Variants in FGF14 observed in about 807,000 individuals in gnomAD.
The protein encoded by FGF14 is fibroblast growth factor 14.
In FGF14, 5 loss-of-function variants were observed where a neutral mutation model predicts 25.5. That is an observed-to-expected ratio of 0.20 (90% CI 0.10 to 0.41). The LOEUF is 0.41. Among genes scored for constraint, FGF14 ranks in the 10% least tolerant of loss-of-function variants. FGF14 has a pLI of 1.00. For synonymous variants in FGF14, 138 were observed against 118.3 expected (o/e 1.17, Z -1.08); for missense variants, 222 against 320.1 (o/e 0.69, Z 2.34).
intron 1 of FGF14, among the ~76,000 whole-genome samples, chr13:102,396,172 G>C (rs1234129380): frequency 1.3e-5 from 2 of 152,150 alleles, no homozygotes; most frequent in Non-Finnish European, 2.9e-5. Flanking sequence ...AGGCAGATGT[G>C]TAAATAGGTG....
intron 3 of FGF14, among the ~76,000 whole-genome samples, chr13:101,808,979 T>G (rs2041350611): frequency 6.6e-6 from 1 of 152,130 alleles, no homozygotes; most frequent in South Asian, 2.1e-4. Context: ...TTTTACTCTC[T>G]TCCACTCTAA....
At chr13:101,821,189 CCA>C (rs1457672562) in intron 3 of FGF14, among the ~76,000 whole-genome samples, 12 of 152,162 alleles carry the variant, frequency 7.9e-5, no homozygotes, top group Non-Finnish European at 8.8e-5. Context: ...ACCTCGTGAT[CCA>C]CCCGCCTCGG....
At chr13:102,012,865 C>G (rs2040152509) in intron 1 of FGF14, among the ~76,000 whole-genome samples, 1 of 152,108 alleles carries the variant, frequency 6.6e-6, no homozygotes, top group Non-Finnish European at 1.5e-5. Context: ...TCTGAGCCCC[C>G]TTATTAATCT....
chr13:102,033,714 A>C lies in FGF14; in HGVS notation c.209-158418T>G, dbSNP rs1075954. Among the ~76,000 whole-genome samples the C allele has an allele frequency of 2.0e-5, 3 of 152,248 alleles. No homozygotes were observed. In the East Asian group the frequency reaches 5.8e-4, roughly 29 times the overall value. On this transcript the variant is annotated intron_variant, in intron 1 of 4. Coordinates refer to the FGF14 transcript ENST00000376131. ...CGAGTTATATTAGGATGCAATGTCT[A>C]TTCAGCAAGAAAGCTCACTGGCTCT...
intron 1 of FGF14, among the ~76,000 whole-genome samples, chr13:102,127,665 A>C (rs1223972168): frequency 6.6e-6 from 1 of 152,218 alleles, no homozygotes; most frequent in African/African-American, 2.4e-5. Context: ...TTTTGTTACA[A>C]GTGTTAAATT....
At chr13:101,877,311 C>T (rs185903415) in intron 1 of FGF14, among the ~76,000 whole-genome samples, 170 of 152,242 alleles carry the variant, frequency 1.1e-3, no homozygotes, top group African/African-American at 3.8e-3. Flanking sequence ...TATTGTTTGA[C>T]GTTTTTCCTT....
chr13:102,094,893 C>G (rs2044321238), intron 1 of FGF14, among the ~76,000 whole-genome samples: 1 of 152,108 alleles, frequency 6.6e-6, no homozygotes, highest in Non-Finnish European at 1.5e-5. Flanking sequence ...GCAGTCTACT[C>G]ACCCCCAAAC....
chr13:102,142,820 A>G (rs538102828), intron 1 of FGF14, among the ~76,000 whole-genome samples: 1 of 152,160 alleles, frequency 6.6e-6, no homozygotes, highest in Non-Finnish European at 1.5e-5. Flanking sequence ...CTAAAACACA[A>G]ATTTTGAATG....
intron 3 of FGF14, among the ~76,000 whole-genome samples, chr13:101,823,915 T>TAATC (rs35212310): frequency 0.6 from 90,039 of 150,226 alleles, 27,099 homozygotes; most frequent in South Asian, 0.69. Context: ...TTATTTTTCT[T>TAATC]AATAATCAAT....
chr13:101,720,564 G>GTGTGTA lies in FGF14; in HGVS notation c.*2266_*2267insTACACA, dbSNP rs1233100229. ...TGTGTGTGTGTGTGTGTGTGTGTGT[G>GTGTGTA]TATATGTGTGTGTTTGTGTGAAGTG... On this transcript the variant is annotated 3_prime_UTR_variant, in exon 5 of 5. Transcript: ENST00000376143. 7.2e-6 allele frequency: 1 copy of GTGTGTA among 138,736 alleles called. No homozygotes were observed. Among genetic ancestry groups the GTGTGTA allele is most frequent in the African/African-American group, 2.6e-5 (1 of 38,824 alleles). The allele number at this position is 138,736 out of a possible 1,614,324, so 8.6% of individuals were successfully genotyped here. A position where few individuals can be genotyped will look rare whatever the true frequency, so the allele number is the denominator to read the frequency against.
chr13:102,176,390 G>A (rs553185993), intron 1 of FGF14, among the ~76,000 whole-genome samples: 4 of 152,060 alleles, frequency 2.6e-5, no homozygotes, highest in East Asian at 1.9e-4. Flanking sequence ...ATAGAAAGAC[G>A]GAAATAATTG....
intron 1 of FGF14, chr13:102,401,411 C>T: frequency 6.6e-7 from 1 of 1,512,498 alleles, no homozygotes; most frequent in Non-Finnish European, 9.2e-7. Flanking sequence ...AGATCTAGCT[C>T]GATGAGCAAC....
upstream of FGF14, among the ~76,000 whole-genome samples, chr13:101,920,044 G>A (rs1275197930): frequency 2.0e-5 from 3 of 152,136 alleles, no homozygotes; most frequent in East Asian, 3.9e-4. Context: ...TAATCCCTGC[G>A]TTTTCATTTT....
chr13:102,040,975 G>A (rs1220247762), intron 1 of FGF14, among the ~76,000 whole-genome samples: 7 of 152,022 alleles, frequency 4.6e-5, no homozygotes, highest in African/African-American at 1.7e-4. Flanking sequence ...CACCTGTTGA[G>A]GCAGAGCCAA....
At chr13:101,905,307 G>A (rs2032098808) in intron 1 of FGF14, among the ~76,000 whole-genome samples, 1 of 152,146 alleles carries the variant, frequency 6.6e-6, no homozygotes, top group Non-Finnish European at 1.5e-5. Flanking sequence ...CTACCCAAAT[G>A]TCCATCAATG....
At position 101,721,596 on chromosome 13, in the gene FGF14, A is replaced by AAAT. The variant is rs1388100523; in HGVS notation, c.*1232_*1234dup. On this transcript the variant is annotated 3_prime_UTR_variant, in exon 5 of 5. Coordinates refer to ENST00000376143, the MANE Select transcript of FGF14 (RefSeq NM_004115.4). Reference sequence around the variant, plus strand: ...CGGACTCAGCATGCTGAGCTAAAAAAAATATTTTTCCTAATATGTCCAGTT... The same window carrying AAAT: ...CGGACTCAGCATGCTGAGCTAAAAAAAATAATATTTTTCCTAATATGTCCAGTT... 1 of 152,130 alleles carries AAAT rather than the reference A, an allele frequency of 6.6e-6. No individual in the cohort carries two copies. The highest frequency in any genetic ancestry group is 1.5e-5 in the Non-Finnish European group (1 of 68,010). The allele number at this position is 152,130 out of a possible 1,614,324, so 9.4% of individuals were successfully genotyped here.
intron 1 of FGF14, among the ~76,000 whole-genome samples, chr13:102,136,452 TAAC>T (rs139258268): frequency 6.6e-6 from 1 of 152,008 alleles, no homozygotes; most frequent in Admixed American, 6.6e-5. Context: ...ATGCCTCCCA[TAAC>T]AACAACAACA....
chr13:102,120,586 G>C (rs1408414327), intron 1 of FGF14, among the ~76,000 whole-genome samples: 2 of 152,084 alleles, frequency 1.3e-5, no homozygotes, highest in Non-Finnish European at 2.9e-5. Context: ...CCCTCACAAA[G>C]ACGTCATCCA....
At chr13:101,887,372 A>T (rs2046047471) in intron 1 of FGF14, among the ~76,000 whole-genome samples, 1 of 151,768 alleles carries the variant, frequency 6.6e-6, no homozygotes. Flanking sequence ...ACACACATGC[A>T]CATATATAAT....
Sources: gnomAD v4.1 joint callset for allele counts (sites outside exome capture counted in the v4.1 genomes callset) on GRCh38, gnomAD v4.1.1 for gene constraint, MANE v1.5 for transcripts, NCBI Gene and HGNC (gene_info 2026-07-23, HGNC 2026-07-21) for gene names.